Variants in SUPT3H observed in about 807,000 individuals in gnomAD.
SUPT3H encodes the protein transcription initiation protein SPT3 homolog.
SUPT3H carries 44 observed loss-of-function variants against 44.3 expected under a neutral mutation model. The ratio of observed to expected loss-of-function variants is 0.99; its 90% CI spans 0.78 to 1.28. SUPT3H has a LOEUF of 1.28. Ranked by LOEUF, SUPT3H falls within the 50% of genes most tolerant of loss-of-function variation. The pLI is 0.00. For missense variants in SUPT3H, 380 were observed against 387.1 expected (o/e 0.98, Z 0.15); for synonymous variants, 124 against 125.6 (o/e 0.99, Z 0.09).
At chr6:44,889,661 A>G (rs975088183) in intron 10 of SUPT3H, among the ~76,000 whole-genome samples, 1 of 152,228 alleles carries the variant, frequency 6.6e-6, no homozygotes, top group African/African-American at 2.4e-5. Context: ...TAAAAACCCT[A>G]GAAGAAAACC....
At chr6:45,099,396 C>G (rs1229808979) in intron 3 of SUPT3H, 1 of 151,786 alleles carries the variant, frequency 6.6e-6, no homozygotes. Flanking sequence ...AAACACGTTT[C>G]TGTGTCACAT....
intron 2 of SUPT3H, among the ~76,000 whole-genome samples, chr6:45,160,552 T>A (rs1027967297): frequency 2.0e-5 from 3 of 152,064 alleles, no homozygotes; most frequent in South Asian, 2.1e-4. Context: ...GAAAAACATT[T>A]TTTATATATA....
At chr6:45,281,977 G>A (rs1225422295) in intron 2 of SUPT3H, among the ~76,000 whole-genome samples, 1 of 152,174 alleles carries the variant, frequency 6.6e-6, no homozygotes, top group Non-Finnish European at 1.5e-5. Context: ...CAGGCAAACA[G>A]GGTCTAGAGT....
intron 2 of SUPT3H, among the ~76,000 whole-genome samples, chr6:45,287,485 G>A (rs985227362): frequency 6.6e-6 from 1 of 152,148 alleles, no homozygotes; most frequent in African/African-American, 2.4e-5. Context: ...GTTGTTTAGT[G>A]AAATAAACCA....
At chr6:45,345,073 G>A (rs1384750165) in intron 2 of SUPT3H, among the ~76,000 whole-genome samples, 1 of 152,022 alleles carries the variant, frequency 6.6e-6, no homozygotes, top group African/African-American at 2.4e-5. Context: ...TGAAACAGAG[G>A]AGAAACTACC....
chr6:45,064,698 C>A (rs1301086121), intron 3 of SUPT3H, among the ~76,000 whole-genome samples: 2 of 131,970 alleles, frequency 1.5e-5, no homozygotes, highest in African/African-American at 2.9e-5. Context: ...CAACAAAGAT[C>A]AAAAGAGACA....
chr6:45,311,595 A>G (rs1783958806), intron 2 of SUPT3H, among the ~76,000 whole-genome samples: 2 of 152,236 alleles, frequency 1.3e-5, no homozygotes, highest in African/African-American at 4.8e-5. Context: ...AGGAAAACCT[A>G]TCAGATTAAC....
chr6:45,322,141 T>C (rs575761234), intron 2 of SUPT3H, among the ~76,000 whole-genome samples: 1 of 152,048 alleles, frequency 6.6e-6, no homozygotes, highest in Non-Finnish European at 1.5e-5. Context: ...AAAAGCTAGT[T>C]TTAGAAAACT....
At chr6:45,035,315 G>A (rs1028619137) in intron 3 of SUPT3H, among the ~76,000 whole-genome samples, 11 of 152,120 alleles carry the variant, frequency 7.2e-5, no homozygotes, top group Non-Finnish European at 1.3e-4. Context: ...TGGATGTAAT[G>A]ATACCTGCAC....
chr6:45,221,558 A>C (rs1488587263), intron 2 of SUPT3H, among the ~76,000 whole-genome samples: 1 of 152,210 alleles, frequency 6.6e-6, no homozygotes. Flanking sequence ...AAAAGTATAA[A>C]ATGTTGATGA....
intron 10 of SUPT3H, among the ~76,000 whole-genome samples, chr6:44,892,990 A>G (rs763442460): frequency 5.9e-5 from 9 of 152,216 alleles, no homozygotes; most frequent in Non-Finnish European, 1.3e-4. Context: ...TAAAAACTAA[A>G]GAAGTCTTTT....
At chr6:44,858,659 A>G (rs939300740) in intron 10 of SUPT3H, among the ~76,000 whole-genome samples, 2 of 152,170 alleles carry the variant, frequency 1.3e-5, no homozygotes, top group African/African-American at 4.8e-5. Flanking sequence ...CCTGTGCTTT[A>G]TCTCTAAATC....
At chr6:45,016,308 A>C (rs1784258677) in intron 4 of SUPT3H, among the ~76,000 whole-genome samples, 1 of 151,690 alleles carries the variant, frequency 6.6e-6, no homozygotes, top group Admixed American at 6.6e-5. Flanking sequence ...ATGGTACCTG[A>C]CTATAATTGT....
At chr6:44,838,642 A>G (rs1444445949) in intron 10 of SUPT3H, among the ~76,000 whole-genome samples, 1 of 152,220 alleles carries the variant, frequency 6.6e-6, no homozygotes, top group East Asian at 1.9e-4. Flanking sequence ...CAAACTACCT[A>G]CCACTAAAGA....
At position 45,345,105 on chromosome 6, in the gene SUPT3H, A is replaced by G. The variant is rs113438193; in HGVS notation, c.101+20096T>C. ...TACCCACTCATCTGCGCTGCCTCAC[A>G]TGGATGTTTTGAGATTTAAATGAGA... On this transcript the variant is annotated intron_variant, in intron 2 of 10. Coordinates refer to ENST00000371459, the MANE Select transcript of SUPT3H (RefSeq NM_003599.4). 9.1e-3 allele frequency among the ~76,000 whole-genome samples: 1,382 copies of G among 152,280 alleles called. 14 individuals carry two copies. Among genetic ancestry groups the G allele is most frequent in the South Asian group, 0.028 (137 of 4,822 alleles).
At chr6:45,310,157 G>A (rs1783721436) in intron 2 of SUPT3H, among the ~76,000 whole-genome samples, 5 of 152,142 alleles carry the variant, frequency 3.3e-5, no homozygotes, top group Middle Eastern at 3.2e-3. Context: ...TGTGATTGCC[G>A]CTTTTCCTCA....
chr6:45,008,843 T>C (rs1783075491), intron 5 of SUPT3H, among the ~76,000 whole-genome samples: 1 of 151,342 alleles, frequency 6.6e-6, no homozygotes, highest in African/African-American at 2.4e-5. Flanking sequence ...TGTTTCAGGG[T>C]ATTCTATTGC....
intron 2 of SUPT3H, among the ~76,000 whole-genome samples, chr6:45,364,598 GAT>G (rs2150271358): frequency 6.6e-6 from 1 of 152,272 alleles, no homozygotes; most frequent in South Asian, 2.1e-4. Flanking sequence ...CAAATCAAGA[GAT>G]ATAGTTTCAC....
At chr6:44,988,087 A>G (rs2153494947) in intron 6 of SUPT3H, among the ~76,000 whole-genome samples, 1 of 152,234 alleles carries the variant, frequency 6.6e-6, no homozygotes, top group Non-Finnish European at 1.5e-5. Flanking sequence ...AAATGGGCAA[A>G]GAGTGAGATC....
Sources: gnomAD v4.1 joint callset for allele counts (sites outside exome capture counted in the v4.1 genomes callset) on GRCh38, gnomAD v4.1.1 for gene constraint, MANE v1.5 for transcripts, NCBI Gene and HGNC (gene_info 2026-07-23, HGNC 2026-07-21) for gene names.